Variants in NBPF11 observed in about 807,000 individuals in gnomAD.
The protein encoded by NBPF11 is NBPF family member NBPF11.
In NBPF11, 72 loss-of-function variants were observed where a neutral mutation model predicts 93.9. The ratio of observed to expected loss-of-function variants is 0.77; its 90% confidence interval spans 0.63 to 0.93. NBPF11 has a LOEUF of 0.93. Ranked by LOEUF, NBPF11 falls within the 40% of genes least tolerant of loss-of-function variation. The probability of loss-of-function intolerance (pLI) is 0.00; values close to 1 mark genes in which losing one functional copy is unlikely to be tolerated. For missense variants in NBPF11, 705 were observed against 802.2 expected, an observed-to-expected ratio of 0.88 and a Z score of 1.46; for synonymous variants, 224 against 304.9, an observed-to-expected ratio of 0.73 and a Z score of 2.76.
intron 4 of NBPF11, among the ~76,000 whole-genome samples, chr1:148,133,221 A>G (rs1247745395): frequency 6.6e-6 from 1 of 151,686 alleles, no homozygotes; most frequent in Non-Finnish European, 1.5e-5. Context: ...GTTCTGGTAG[A>G]TTTTTGTAGA....
At chr1:148,107,437 G>C (rs1288547702) in intron 19 of NBPF11, among the ~76,000 whole-genome samples, 1 of 148,216 alleles carries the variant, frequency 6.7e-6, no homozygotes, top group African/African-American at 2.5e-5. Flanking sequence ...CATGAAAAGA[G>C]TGGGCTCAAT....
chr1:148,129,131 T>TTTATATATACACGTGTATATGTATTAC (rs1669782569), intron 4 of NBPF11, among the ~76,000 whole-genome samples: 9 of 144,950 alleles, frequency 6.2e-5, no homozygotes, highest in Admixed American at 3.5e-4. Flanking sequence ...ATATGTATTA[T>TTTATATATACACGTGTATATGTATTAC]TTATATATAC....
intron 4 of NBPF11, among the ~76,000 whole-genome samples, chr1:148,134,964 GC>G (rs1671036769): frequency 6.6e-6 from 1 of 151,432 alleles, no homozygotes; most frequent in Non-Finnish European, 1.5e-5. Context: ...CAATAAACCT[GC>G]CTGAATTAAA....
intron 10 of NBPF11, among the ~76,000 whole-genome samples, chr1:148,119,097 C>G (rs1339146012): frequency 4.2e-3 from 591 of 139,230 alleles, no homozygotes; most frequent in African/African-American, 0.017. Context: ...CTTGTACAGT[C>G]GGGAAGGCCC....
At position 148,146,810 on chromosome 1, in the gene NBPF11, A is replaced by T. The variant is rs1673192112; in HGVS notation, c.-548-3124T>A. On this transcript the variant is annotated intron_variant, in intron 1 of 23. Coordinates refer to ENST00000682118, the MANE Select transcript of NBPF11 (RefSeq NM_001385469.3). Reference sequence around the variant, plus strand: ...TACATTGGCCTGGGCTCCCGCCTCCACTGCAACATCTTCACCTACGACTCC... The same window carrying T: ...TACATTGGCCTGGGCTCCCGCCTCCTCTGCAACATCTTCACCTACGACTCC... 3 of 1,613,062 alleles carry T rather than the reference A, an allele frequency of 1.9e-6. No individual in the cohort carries two copies. The African/African-American group carries it at 4.0e-5, about 22-fold the overall frequency.
chr1:148,115,489 A>T (rs4098215), intron 14 of NBPF11, among the ~76,000 whole-genome samples: 2 of 151,288 alleles, frequency 1.3e-5, no homozygotes, highest in Non-Finnish European at 2.9e-5. Context: ...ACAGATGACT[A>T]AATCACAGAT....
At chr1:148,147,974 G>A (rs1673467714) in intron 1 of NBPF11, among the ~76,000 whole-genome samples, 1 of 152,110 alleles carries the variant, frequency 6.6e-6, no homozygotes, top group African/African-American at 2.4e-5. Context: ...GGAGGCCAGA[G>A]CGTGCCCAGG....
intron 5 of NBPF11, 91 bp downstream of exon 5, chr1:148,126,738 A>T: frequency 3.1e-6 from 3 of 977,106 alleles, no homozygotes; most frequent in Non-Finnish European, 4.9e-6. Flanking sequence ...GTTTTCCTAG[A>T]AGTACAGGAA....
chr1:148,140,350 T>A (rs1671980102), intron 2 of NBPF11, among the ~76,000 whole-genome samples: 1 of 151,550 alleles, frequency 6.6e-6, no homozygotes, highest in African/African-American at 2.4e-5. Flanking sequence ...ATCTCGGGGA[T>A]CCTGGGTTCA....
At position 148,103,577 on chromosome 1, in the gene NBPF11, G is replaced by C; in HGVS notation, c.*319C>G. ...GCCCACTGACCCATCCTATGTCTGG[G>C]CTTCCAAATGGAACTATAGTTTCAT... is the stretch of plus-strand genomic sequence containing the variant. On this transcript the variant is annotated 3_prime_UTR_variant, in exon 24 of 24. Transcript: ENST00000682118. The C allele has an allele frequency of 6.2e-7, 1 of 1,604,174 alleles. No individual in the cohort carries two copies. The highest frequency in any genetic ancestry group is 8.5e-7 in the Non-Finnish European group (1 of 1,174,510).
Position 148,124,633 on chromosome 1 carries a change from A to T in NBPF11, c.278+266T>A, listed in dbSNP as rs1439137334. Among the ~76,000 whole-genome samples the T allele has an allele frequency of 6.6e-5, 10 of 151,724 alleles. No homozygotes were observed. The South Asian group carries it at 2.1e-3, about 32-fold the overall frequency. On this transcript the variant is annotated intron_variant, in intron 6 of 23. Coordinates refer to ENST00000682118, the MANE Select transcript of NBPF11 (RefSeq NM_001385469.3). ...TACTGAATGCTGCTGGGTGGTTCCC[A>T]CTCCTTTGGTGAATTTTGTGTTATG...
At chr1:148,108,873 ACAC>A (rs1664522124) in intron 17 of NBPF11, among the ~76,000 whole-genome samples, 1 of 150,198 alleles carries the variant, frequency 6.7e-6, no homozygotes, top group Admixed American at 6.6e-5. Context: ...ACACACACAC[ACAC>A]ACACACACAC....
intron 3 of NBPF11, 34 bp from the exon 4 acceptor site, chr1:148,135,847 C>T: frequency 6.7e-6 from 5 of 741,418 alleles, no homozygotes; most frequent in South Asian, 1.5e-5. Flanking sequence ...TATTTACCTC[C>T]CCAGAGGAAA....
intron 7 of NBPF11, 114 bp from the exon 8 acceptor site, chr1:148,122,915 A>G (rs1410586298): frequency 1.3e-6 from 2 of 1,585,398 alleles, no homozygotes; most frequent in African/African-American, 2.7e-5. Flanking sequence ...TTGTACTGAA[A>G]ACTCTCATGT....
chr1:148,116,881 T>C (rs9970215), intron 12 of NBPF11, among the ~76,000 whole-genome samples: 38 of 152,008 alleles, frequency 2.5e-4, no homozygotes, highest in African/African-American at 8.2e-4. Context: ...TGTCACAGTT[T>C]GCATTTCAAA....
chr1:148,128,987 C>A (rs1419103875), intron 4 of NBPF11, among the ~76,000 whole-genome samples: 1 of 147,770 alleles, frequency 6.8e-6, no homozygotes, highest in Non-Finnish European at 1.5e-5. Flanking sequence ...CATCACACAC[C>A]AGGGCCTGTC....
chr1:148,124,139 A>G, intron 6 of NBPF11, 72 bp from the exon 7 acceptor site: 2 of 1,570,346 alleles, frequency 1.3e-6, no homozygotes, highest in South Asian at 2.2e-5. Context: ...TGCAACAGAG[A>G]TTTCTGAGAC....
chr1:148,127,750 C>T (rs1246200532), intron 4 of NBPF11, among the ~76,000 whole-genome samples: 1 of 144,226 alleles, frequency 6.9e-6, no homozygotes, highest in Non-Finnish European at 1.5e-5. Flanking sequence ...TCACGCTATT[C>T]TCCTGCCTCA....
chr1:148,114,179 G>T lies in NBPF11; in HGVS notation c.1637+258C>A, dbSNP rs1159044724. On this transcript the variant is annotated intron_variant, in intron 15 of 23. Transcript: ENST00000682118. ...CAAAAAATCAATGAATCCAGGGCTG[G>T]TTTTTTGAAAAGATCAACAAGAAAA... 2.8e-5 allele frequency among the ~76,000 whole-genome samples: 4 copies of T among 144,976 alleles called. No individual in the cohort carries two copies. In the East Asian group the frequency reaches 6.1e-4, roughly 22 times the overall value.
Sources: allele counts gnomAD v4.1 joint callset (sites outside exome capture counted in the v4.1 genomes callset), GRCh38; gene constraint gnomAD v4.1.1; transcripts MANE v1.5; gene names NCBI Gene and HGNC (gene_info 2026-07-23, HGNC 2026-07-21).